Variants in ROS1 observed in about 807,000 individuals in gnomAD.
ROS1 encodes ROS proto-oncogene 1, receptor tyrosine kinase, also known as proto-oncogene tyrosine-protein kinase ROS.
A neutral mutation model predicts 273.5 loss-of-function variants in ROS1; 263 were observed. That is an observed-to-expected ratio of 0.96 (90% confidence interval 0.87 to 1.06). The LOEUF (loss-of-function observed/expected upper bound fraction) is 1.06, where lower values mean the gene tolerates loss of function less well. Among genes scored for constraint, ROS1 ranks in the 50% least tolerant of loss-of-function variants. ROS1 has a pLI of 0.00. For missense variants in ROS1, 2,833 were observed against 2,751.1 expected (o/e 1.03, Z -0.67); for synonymous variants, 1,008 against 954.1 (o/e 1.06, Z -1.04).
chr6:117,343,839 G>A (rs372290748), intron 28 of ROS1, among the ~76,000 whole-genome samples: 2 of 152,246 alleles, frequency 1.3e-5, no homozygotes, highest in East Asian at 1.9e-4. Flanking sequence ...GGTTACCATG[G>A]CAATCCATCA....
chr6:117,360,369 C>T lies in ROS1; in HGVS notation c.3403G>A (p.Ala1135Thr). 1 of 1,613,302 alleles carries T rather than the reference C, an allele frequency of 6.2e-7. No individual in the cohort carries two copies. The highest frequency in any genetic ancestry group is 8.5e-7 in the Non-Finnish European group (1 of 1,179,706). The change falls in exon 23 of 44, where the codon GCT becomes ACT. Residue 1135 changes from alanine to threonine, a missense_variant. Transcript: ENST00000368507. ...GATGTTGTAGACTTTACAACGTCAG[C>T]ATATGGTCCTGGCCCCTTAGATGTA... ...AFTSKGPGPY[A>T]DVVKSTTSEI... is the part of the protein sequence containing the mutation.
At chr6:117,352,757 GT>G (rs1424804454) in intron 27 of ROS1, among the ~76,000 whole-genome samples, 1 of 152,262 alleles carries the variant, frequency 6.6e-6, no homozygotes, top group South Asian at 2.1e-4. Flanking sequence ...CAGGACGCAG[GT>G]TTCCCATGTC....
At chr6:117,366,562 G>A (rs1406345857) in intron 18 of ROS1, among the ~76,000 whole-genome samples, 2 of 152,104 alleles carry the variant, frequency 1.3e-5, no homozygotes, top group African/African-American at 2.4e-5. Context: ...TGCCCAAGCT[G>A]GAGTGCAGTG....
chr6:117,358,228 T>G (rs1404962154), intron 24 of ROS1, among the ~76,000 whole-genome samples: 1 of 151,790 alleles, frequency 6.6e-6, no homozygotes, highest in Non-Finnish European at 1.5e-5. Flanking sequence ...TACAAACCAG[T>G]GCTACAAATT....
intron 34 of ROS1, among the ~76,000 whole-genome samples, chr6:117,325,781 A>G (rs1171833634): frequency 1.3e-5 from 2 of 152,072 alleles, no homozygotes; most frequent in African/African-American, 4.8e-5. Flanking sequence ...GATTAGAAAG[A>G]CAATATATCA....
chr6:117,394,560 C>A, intron 10 of ROS1, 56 bp downstream of exon 10: 1 of 1,421,194 alleles, frequency 7.0e-7, no homozygotes, highest in African/African-American at 1.4e-5. Flanking sequence ...TCTAGAAGTA[C>A]TTCTTTTAGA....
chr6:117,399,170 T>C (rs1773749494), intron 7 of ROS1, among the ~76,000 whole-genome samples: 1 of 152,210 alleles, frequency 6.6e-6, no homozygotes, highest in South Asian at 2.1e-4. Context: ...AGAGGGTATG[T>C]GAGCTTGCTT....
At chr6:117,356,505 G>T in intron 26 of ROS1, 124 bp downstream of exon 26, 2 of 797,162 alleles carry the variant, frequency 2.5e-6, no homozygotes, top group Non-Finnish European at 3.7e-6. Flanking sequence ...AAGAACACTT[G>T]GCATGGTACA....
At chr6:117,354,037 T>C (rs1326091600) in intron 26 of ROS1, among the ~76,000 whole-genome samples, 8 of 152,154 alleles carry the variant, frequency 5.3e-5, no homozygotes, top group Admixed American at 1.3e-4. Context: ...CAATTGAAGA[T>C]ACTTGAATTT....
intron 16 of ROS1, 44 bp from the exon 17 acceptor site, chr6:117,383,552 C>T (rs1217900160): frequency 3.6e-6 from 5 of 1,376,004 alleles, no homozygotes; most frequent in African/African-American, 2.9e-5. Flanking sequence ...TTTCAAGTGA[C>T]ATTATTATTT....
At position 117,387,970 on chromosome 6, in the gene ROS1, C is replaced by T. The variant is rs1772730824; in HGVS notation, c.1809G>A (p.Trp603Ter). Residue 603 changes from tryptophan (W) to a stop codon, truncating the protein, a stop_gained, in exon 14 of 44, where the codon TGG becomes TGA. Coordinates refer to ENST00000368507, the MANE Select transcript of ROS1 (RefSeq NM_001378902.1). LOFTEE classifies it high-confidence loss of function. ...IGASPSAWQN[W>*]TYEVKVSTQD... is the part of the protein sequence containing the mutation. ...GGGTGGATACTTTCACCTCATAGGT[C>T]CAGTTCTGCCAGGCAGAAGGGCCTA... The T allele has an allele frequency of 1.2e-6, 2 of 1,614,040 alleles. No individual in the cohort carries two copies. Among genetic ancestry groups the T allele is most frequent in the East Asian group, 4.5e-5 (2 of 44,876 alleles).
chr6:117,377,063 G>C (rs1332347635), intron 18 of ROS1, among the ~76,000 whole-genome samples: 1 of 151,780 alleles, frequency 6.6e-6, no homozygotes, highest in Non-Finnish European at 1.5e-5. Flanking sequence ...ATATATCAAA[G>C]GAACAGAACA....
rs1293220338 is a variant in ROS1, at chr6:117,301,057, A to G, written c.6632T>C (p.Leu2211Ser). Residue 2211 changes from leucine (L) to serine (S), a missense_variant, in exon 43 of 44, where the codon TTA (leucine) becomes TCA (serine). By Grantham distance (145) the Leu-to-Ser change is moderately radical. Transcript: ENST00000368507. Reference sequence around the variant, plus strand: ...GCTATTTAAGAAAAAATTTCTGAATAACTGAAGTTGGTCCTGAATTCTATG... The same window carrying G: ...GCTATTTAAGAAAAAATTTCTGAATGACTGAAGTTGGTCCTGAATTCTATG... ...TFHRIQDQLQ[L>S]FRNFFLNSIY... The G allele has an allele frequency of 6.8e-6, 11 of 1,608,286 alleles. No individual in the cohort carries two copies. Among genetic ancestry groups the G allele is most frequent in the Non-Finnish European group, 8.5e-6 (10 of 1,177,496 alleles).
chr6:117,402,437 A>G (rs1774022338), intron 7 of ROS1, among the ~76,000 whole-genome samples: 1 of 152,150 alleles, frequency 6.6e-6, no homozygotes. Context: ...TCATACTGCC[A>G]CTGGCCTCTC....
intron 5 of ROS1, among the ~76,000 whole-genome samples, chr6:117,408,352 C>T (rs987106815): frequency 1.2e-4 from 19 of 152,040 alleles, no homozygotes; most frequent in Admixed American, 7.9e-4. Flanking sequence ...ACAACGAACT[C>T]AAACAAATTT....
At chr6:117,365,996 GA>G (rs922846785) in intron 19 of ROS1, 79 bp downstream of exon 19, 149 of 1,242,314 alleles carry the variant, frequency 1.2e-4, no homozygotes, top group African/African-American at 2.6e-4. Flanking sequence ...TAATTCTTAA[GA>G]AAAAAAAATA....
At chr6:117,397,195 T>A in intron 7 of ROS1, 79 bp from the exon 8 acceptor site, 1 of 998,430 alleles carries the variant, frequency 1.0e-6, no homozygotes. Context: ...AAAAAAGTCT[T>A]GTTTTTTTTT....
At chr6:117,324,536 T>C (rs1776503463) in intron 34 of ROS1, 121 bp from the exon 35 acceptor site, 2 of 571,174 alleles carry the variant, frequency 3.5e-6, no homozygotes, top group Non-Finnish European at 6.2e-6. Context: ...TGCAAGCCAG[T>C]TGTTAGACCG....
At chr6:117,419,320 T>C (rs892882537) in intron 1 of ROS1, among the ~76,000 whole-genome samples, 9 of 152,184 alleles carry the variant, frequency 5.9e-5, no homozygotes, top group African/African-American at 2.2e-4. Context: ...GTAAGGATGC[T>C]CCAAAAGTCC....
Sources: gnomAD v4.1 joint callset for allele counts (sites outside exome capture counted in the v4.1 genomes callset) on GRCh38, gnomAD v4.1.1 for gene constraint, MANE v1.5 for transcripts, NCBI Gene and HGNC (gene_info 2026-07-23, HGNC 2026-07-21) for gene names.